The following MSN variants were observed in gnomAD, a reference collection of about 807,000 sequenced individuals.
The protein encoded by MSN is epididymis luminal protein 70.
A neutral mutation model predicts 48.0 loss-of-function variants in MSN; 2 were observed. The observed-to-expected ratio is 0.04, with a 90% confidence interval of 0.02 to 0.13. MSN has a LOEUF of 0.13. MSN is among the 10% of genes least tolerant of loss of function. The pLI is 1.00. For synonymous variants in MSN, 146 were observed against 166.9 expected, an observed-to-expected ratio of 0.87 and a Z score of 0.97; for missense variants, 267 against 470.1, an observed-to-expected ratio of 0.57 and a Z score of 3.99.
Position 65,710,553 on chromosome X carries a change from T to TG in MSN, c.13-6265_13-6264insG, listed in dbSNP as rs776712221. On this transcript the variant is annotated intron_variant, in intron 1 of 12. Coordinates refer to ENST00000360270, the MANE Select transcript of MSN (RefSeq NM_002444.3). ...TGTAATTTAGCCATTTGTTCAATTA[T>TG]AATGTAGGCAAATAAAAATAAAAAT... 2.2e-3 allele frequency among the ~76,000 whole-genome samples: 244 copies of TG among 111,428 alleles called. 1 individual carries two copies. The highest frequency in any genetic ancestry group is 7.4e-3 in the African/African-American group (226 of 30,599).
intron 1 of MSN, among the ~76,000 whole-genome samples, chrX:65,648,164 T>C (rs1329901640): frequency 9.0e-6 from 1 of 110,811 alleles, no homozygotes. Flanking sequence ...AAGAAGATAT[T>C]AAAGATGACT....
chrX:65,678,541 T>A (rs2071024471), intron 1 of MSN, among the ~76,000 whole-genome samples: 2 of 111,318 alleles, frequency 1.8e-5, no homozygotes, highest in Admixed American at 1.9e-4. Flanking sequence ...GGTAAAGCCT[T>A]CCAGTTGGTA....
chrX:65,683,435 A>G (rs2148391131), intron 1 of MSN, among the ~76,000 whole-genome samples: 1 of 51,364 alleles, frequency 1.9e-5, no homozygotes, highest in South Asian at 1.2e-3. Context: ...CACCACCACC[A>G]CCACCACCCA....
chrX:65,667,658 C>G lies in MSN; in HGVS notation c.-184C>G. The G allele has an allele frequency of 9.5e-7, 1 of 1,049,337 alleles. No individual in the cohort carries two copies. The highest frequency in any genetic ancestry group is 2.8e-5 in the South Asian group (1 of 35,478). The allele number at this position is 1,049,337 out of a possible 1,213,427, so 86.5% of individuals were successfully genotyped here. On this transcript the variant is annotated 5_prime_UTR_variant, in exon 1 of 13. Transcript: ENST00000360270. ...AGCGGGCGGCGCGACAGGGGCGGCTCTTTCCTGGGTGGGGTTTGTGAAGTC... is the reference window on the plus strand; with the variant it reads ...AGCGGGCGGCGCGACAGGGGCGGCTGTTTCCTGGGTGGGGTTTGTGAAGTC...
chrX:65,613,792 T>A (rs1036743561), intron 1 of MSN, among the ~76,000 whole-genome samples: 2 of 112,257 alleles, frequency 1.8e-5, no homozygotes, highest in Non-Finnish European at 3.8e-5. Flanking sequence ...AATGGATAGA[T>A]TGCAAAAATT....
At position 65,683,826 on chromosome X, in the gene MSN, G is replaced by A. The variant is rs776433304; in HGVS notation, c.12+15973G>A. Among the ~76,000 whole-genome samples the A allele has an allele frequency of 2.7e-5, 3 of 111,492 alleles. No homozygotes were observed. In the South Asian group the frequency reaches 1.1e-3, roughly 42 times the overall value. ...CATGTTTGTTGTAAGAAATGAAACA[G>A]CATTGAAAAATATAAAGCCTCCTGT... On this transcript the variant is annotated intron_variant, in intron 1 of 12. Transcript: ENST00000360270.
At chrX:65,631,005 A>G (rs1465263590) in intron 1 of MSN, among the ~76,000 whole-genome samples, 1 of 111,272 alleles carries the variant, frequency 9.0e-6, no homozygotes, top group Non-Finnish European at 1.9e-5. Flanking sequence ...CGATATAGTC[A>G]AGATGCAGAA....
At chrX:65,592,686 G>A (rs2070157366) in intron 1 of MSN, among the ~76,000 whole-genome samples, 1 of 111,514 alleles carries the variant, frequency 9.0e-6, no homozygotes, top group Non-Finnish European at 1.9e-5. Flanking sequence ...ACATGGACAG[G>A]AATGAAGAAA....
chrX:65,685,337 G>T (rs2071104160), intron 1 of MSN, among the ~76,000 whole-genome samples: 1 of 111,420 alleles, frequency 9.0e-6, no homozygotes, highest in African/African-American at 3.3e-5. Flanking sequence ...CTGTTTTGTG[G>T]TTTTGCCAGC....
At chrX:65,642,514 A>T (rs1467696044) in intron 1 of MSN, among the ~76,000 whole-genome samples, 1 of 112,013 alleles carries the variant, frequency 8.9e-6, no homozygotes, top group Non-Finnish European at 1.9e-5. Flanking sequence ...GACAAGTCAC[A>T]CAAACAAGTG....
intron 1 of MSN, among the ~76,000 whole-genome samples, chrX:65,687,076 G>T (rs1295570346): frequency 2.7e-5 from 3 of 112,202 alleles, no homozygotes; most frequent in Non-Finnish European, 3.8e-5. Context: ...GCCAGGCGTG[G>T]TGGCTCATGC....
intron 1 of MSN, among the ~76,000 whole-genome samples, chrX:65,700,378 A>T (rs775680387): frequency 1.8e-5 from 2 of 111,303 alleles, no homozygotes; most frequent in Non-Finnish European, 3.8e-5. Context: ...TATGGTTTCT[A>T]TTGGGGTTTT....
At chrX:65,635,310 G>A (rs768000046) in intron 1 of MSN, among the ~76,000 whole-genome samples, 1 of 110,592 alleles carries the variant, frequency 9.0e-6, no homozygotes, top group African/African-American at 3.3e-5. Context: ...CCCTGTCTTT[G>A]TCTGTCTCAT....
chrX:65,617,932 A>G (rs1366973883), intron 1 of MSN, among the ~76,000 whole-genome samples: 2 of 108,868 alleles, frequency 1.8e-5, no homozygotes, highest in Non-Finnish European at 3.8e-5. Flanking sequence ...GTTTCAAAGA[A>G]CATCTTTATT....
rs374991790 is a variant in MSN at position 65,738,628 on chromosome X, G to A, written c.1344+11G>A. Reference sequence around the variant, plus strand: ...GAGTGGCAGCAGAAGGTAAGACACAGGGCCTAAAGCAAAGCATTGAAGGAA... The same window carrying A: ...GAGTGGCAGCAGAAGGTAAGACACAAGGCCTAAAGCAAAGCATTGAAGGAA... On this transcript the variant is annotated intron_variant, in intron 11 of 12. Coordinates refer to ENST00000360270, the MANE Select transcript of MSN (RefSeq NM_002444.3). 15 of 1,193,567 alleles carry A rather than the reference G, an allele frequency of 1.3e-5. No individual in the cohort carries two copies. Among genetic ancestry groups the A allele is most frequent in the African/African-American group, 1.2e-4 (7 of 56,963 alleles).
chrX:65,666,292 A>T (rs1313946468), upstream of MSN, among the ~76,000 whole-genome samples: 1 of 109,160 alleles, frequency 9.2e-6, no homozygotes, highest in Admixed American at 9.8e-5. Context: ...TGGTAGGATT[A>T]CAGGTGTAAG....
At chrX:65,590,008 G>T (rs1212455435) in intron 1 of MSN, among the ~76,000 whole-genome samples, 7 of 110,800 alleles carry the variant, frequency 6.3e-5, no homozygotes, top group African/African-American at 2.0e-4. Context: ...TGGGATTACA[G>T]GTGTACACTG....
intron 2 of MSN, among the ~76,000 whole-genome samples, chrX:65,718,421 A>G (rs926670690): frequency 4.4e-5 from 5 of 112,368 alleles, no homozygotes; most frequent in African/African-American, 1.6e-4. Context: ...GAAAGATAAG[A>G]AAACACAAAT....
In MSN at chrX:65,694,575, C is replaced by T. The variant is rs774631096; in HGVS notation, c.13-22243C>T. 1.8e-4 allele frequency among the ~76,000 whole-genome samples: 20 copies of T among 110,695 alleles called. No individual in the cohort carries two copies. In the South Asian group the frequency reaches 5.7e-3, roughly 31 times the overall value. ...AACTCCTGGCCTCAAGTAATCCACCCGCCTCAGCCTCCAAAAGTGCTGGGA... is the reference window on the plus strand; with the variant it reads ...AACTCCTGGCCTCAAGTAATCCACCTGCCTCAGCCTCCAAAAGTGCTGGGA... On this transcript the variant is annotated intron_variant, in intron 1 of 12. Coordinates refer to ENST00000360270, the MANE Select transcript of MSN (RefSeq NM_002444.3).
Sources: allele counts gnomAD v4.1 joint callset (sites outside exome capture counted in the v4.1 genomes callset), GRCh38; gene constraint gnomAD v4.1.1; transcripts MANE v1.5; gene names NCBI Gene and HGNC (gene_info 2026-07-23, HGNC 2026-07-21).